HUWE1: variants seen among roughly 807,000 people sequenced by gnomAD.
HUWE1 encodes E3 ubiquitin-protein ligase HUWE1.
A neutral mutation model predicts 299.4 loss-of-function variants in HUWE1; 18 were observed. That is an observed-to-expected ratio of 0.06 (90% CI 0.04 to 0.09). HUWE1 has a LOEUF of 0.09. HUWE1 is among the 10% of genes least tolerant of loss of function. The pLI is 1.00. For missense variants in HUWE1, 1,832 were observed against 3,462.3 expected (o/e 0.53, Z 11.82); for synonymous variants, 1,317 against 1,286.1 (o/e 1.02, Z -0.51).
At chrX:53,667,262 C>T (rs782765118) in intron 3 of HUWE1, among the ~76,000 whole-genome samples, 1 of 112,231 alleles carries the variant, frequency 8.9e-6, no homozygotes, top group Non-Finnish European at 1.9e-5. Context: ...CACAGTTAGC[C>T]AAGCTTACCC....
At chrX:53,564,769 G>A (rs1556944081) in intron 50 of HUWE1, 47 bp from the exon 51 acceptor site, 1 of 1,203,567 alleles carries the variant, frequency 8.3e-7, no homozygotes. Flanking sequence ...GTGCCTATGT[G>A]CTGGGCACCA....
At position 53,607,738 on chromosome X, in the gene HUWE1, C is replaced by G. The variant is rs369012523; in HGVS notation, c.2320-39G>C. The G allele has an allele frequency of 5.2e-4, 499 of 965,565 alleles. 2 individuals are homozygous for G. The South Asian group carries it at 9.6e-3, about 19-fold the overall frequency. 79.6% of individuals were successfully genotyped at this position (965,565 alleles called of 1,213,427 possible). On this transcript the variant is annotated intron_variant, in intron 24 of 83. Transcript: ENST00000262854. The stretch of plus-strand genomic sequence containing the variant: ...ATTTTTTAAAGAAGTTAGAGCCTGA[C>G]AGGTGGAACTAAATGGCCAGCCTGG...
chrX:53,603,649 A>G, intron 26 of HUWE1, 148 bp from the exon 27 acceptor site: 1 of 492,955 alleles, frequency 2.0e-6, no homozygotes, highest in Non-Finnish European at 3.5e-6. Context: ...AAATGTCCAC[A>G]CTCAAGACGA....
At chrX:53,669,667 A>T (rs1557048661) in intron 3 of HUWE1, among the ~76,000 whole-genome samples, 1 of 112,504 alleles carries the variant, frequency 8.9e-6, no homozygotes, top group African/African-American at 3.2e-5. Context: ...CTAGGTTTTT[A>T]AAAAATAAAA....
intron 49 of HUWE1, among the ~76,000 whole-genome samples, chrX:53,565,580 A>G (rs1314444633): frequency 9.1e-6 from 1 of 110,370 alleles, no homozygotes; most frequent in Non-Finnish European, 1.9e-5. Context: ...TTAAACCACC[A>G]GCATTTAGTC....
At chrX:53,566,133 G>GTGTATATATATATATATATATATA (rs782815282) in intron 49 of HUWE1, among the ~76,000 whole-genome samples, 3 of 38,969 alleles carry the variant, frequency 7.7e-5, no homozygotes, top group East Asian at 7.7e-4. Flanking sequence ...GTGTGTGTGT[G>GTGTATATATATATATATATATATA]TATATATATA....
At chrX:53,583,960 G>A in intron 41 of HUWE1, 44 bp from the exon 42 acceptor site, 1 of 1,046,627 alleles carries the variant, frequency 9.6e-7, no homozygotes, top group Non-Finnish European at 1.3e-6. Flanking sequence ...TTAACTTGAT[G>A]TTTATTTCCT....
intron 49 of HUWE1, 129 bp downstream of exon 49, chrX:53,568,563 A>C: frequency 1.9e-6 from 1 of 535,221 alleles, no homozygotes; most frequent in South Asian, 3.5e-5. Flanking sequence ...AAGTGCTAAA[A>C]GCCACAATAA....
At chrX:53,542,166 A>T (rs1215414223) in intron 74 of HUWE1, among the ~76,000 whole-genome samples, 1 of 111,996 alleles carries the variant, frequency 8.9e-6, no homozygotes, top group African/African-American at 3.3e-5. Context: ...CTGGCGACAG[A>T]GGGAGACTGT....
intron 25 of HUWE1, among the ~76,000 whole-genome samples, chrX:53,605,426 T>C (rs1450844950): frequency 2.7e-5 from 3 of 112,132 alleles, no homozygotes; most frequent in Admixed American, 1.9e-4. Flanking sequence ...CAGCATCTTA[T>C]AGGATATTTT....
chrX:53,561,329 T>C (rs1384790517), intron 55 of HUWE1, among the ~76,000 whole-genome samples: 2 of 112,284 alleles, frequency 1.8e-5, no homozygotes, highest in East Asian at 5.6e-4. Flanking sequence ...CCTGGATGAA[T>C]AGAGTGAGTA....
chrX:53,538,720 A>ACTCTCTCT lies in HUWE1; in HGVS notation c.11878+114_11878+115insAGAGAGAG, dbSNP rs3834703. ...TGTACACACACACACACACACACAC[A>ACTCTCTCT]CACACTCTCTCTCTCTCTCTCTCTC... On this transcript the variant is annotated intron_variant, in intron 76 of 83. Coordinates refer to ENST00000262854, the MANE Select transcript of HUWE1 (RefSeq NM_031407.7). 59 of 564,175 alleles carry ACTCTCTCT rather than the reference A, an allele frequency of 1.0e-4. No individual in the cohort carries two copies. In the Admixed American group the frequency reaches 1.4e-3, roughly 13 times the overall value. 46.5% of individuals were successfully genotyped at this position (564,175 alleles called of 1,213,427 possible). A position where few individuals can be genotyped will look rare whatever the true frequency, so the allele number is the denominator to read the frequency against.
chrX:53,536,984 G>A (rs1403152518), intron 78 of HUWE1, among the ~76,000 whole-genome samples: 4 of 112,089 alleles, frequency 3.6e-5, no homozygotes, highest in South Asian at 7.5e-4. Context: ...TATTAGAGAG[G>A]GATAAGCCCA....
chrX:53,590,856 T>C (rs1405501258), intron 34 of HUWE1, 144 bp downstream of exon 34: 1 of 735,302 alleles, frequency 1.4e-6, no homozygotes, highest in Non-Finnish European at 2.0e-6. Context: ...TCTGTTATTA[T>C]GAAAAGAAAA....
At chrX:53,538,067 C>G (rs980199829) in intron 77 of HUWE1, among the ~76,000 whole-genome samples, 2 of 111,644 alleles carry the variant, frequency 1.8e-5, no homozygotes, top group African/African-American at 6.5e-5. Context: ...TGTACTACCC[C>G]CAACGGATGG....
chrX:53,627,329 T>C, intron 17 of HUWE1, 81 bp downstream of exon 17: 1 of 632,735 alleles, frequency 1.6e-6, no homozygotes. Context: ...TACTTTGGAA[T>C]TTATGAGGAA....
intron 25 of HUWE1, among the ~76,000 whole-genome samples, chrX:53,605,998 TAGA>T (rs2065130623): frequency 8.9e-6 from 1 of 111,924 alleles, no homozygotes; most frequent in Non-Finnish European, 1.9e-5. Flanking sequence ...ATAAAACTCC[TAGA>T]AGAAGCCACA....
intron 60 of HUWE1, chrX:53,557,089 G>A (rs782194282): frequency 1.2e-5 from 5 of 406,012 alleles, no homozygotes; most frequent in Non-Finnish European, 2.3e-5. Flanking sequence ...GTTGCAGTCA[G>A]GAAATGAACA....
intron 73 of HUWE1, 199 bp downstream of exon 73, chrX:53,543,642 C>T: frequency 1.6e-6 from 1 of 621,079 alleles, no homozygotes; most frequent in Non-Finnish European, 2.4e-6. Flanking sequence ...GATGGCCAAG[C>T]TTTAAATCAA....
Sources: allele counts gnomAD v4.1 joint callset (sites outside exome capture counted in the v4.1 genomes callset), GRCh38; gene constraint gnomAD v4.1.1; transcripts MANE v1.5; gene names NCBI Gene and HGNC (gene_info 2026-07-23, HGNC 2026-07-21).